CTNNA2: variants seen among roughly 807,000 people sequenced by gnomAD.
CTNNA2 encodes the protein catenin alpha 2.
A neutral mutation model predicts 101.0 loss-of-function variants in CTNNA2; 42 were observed. The observed-to-expected ratio is 0.42, with a 90% CI of 0.32 to 0.54. The LOEUF is 0.54. CTNNA2 is among the 20% of genes least tolerant of loss of function. The probability of loss-of-function intolerance (pLI) is 0.14; values close to 1 mark genes in which losing one functional copy is unlikely to be tolerated. For missense variants in CTNNA2, 871 were observed against 1,223.1 expected, an observed-to-expected ratio of 0.71 and a Z score of 4.29; for synonymous variants, 450 against 456.4, an observed-to-expected ratio of 0.99 and a Z score of 0.18.
rs975392735 is a variant in CTNNA2, at chr2:80,302,763, C to T, written c.1057-90448C>T. The T allele has an allele frequency of 6.2e-7, 1 of 1,613,000 alleles. No homozygotes were observed. The highest frequency in any genetic ancestry group is 8.5e-7 in the Non-Finnish European group (1 of 1,179,828). ...TGGAAGGCGTACACGGCGTCCAGGA[C>T]GTCCTCGCCCTGTGCGTACTCCGGG... On this transcript the variant is annotated intron_variant, in intron 7 of 18. Transcript: ENST00000402739. The surrounding 1 kb of genome is among the most constrained non-coding windows in gnomAD (Gnocchi z 6.4).
intron 2 of CTNNA2, among the ~76,000 whole-genome samples, chr2:79,241,481 T>A (rs1249378271): frequency 6.6e-6 from 1 of 152,046 alleles, no homozygotes; most frequent in African/African-American, 2.4e-5. Flanking sequence ...TGAAAAACAA[T>A]TGATGAGACA....
chr2:79,188,424 T>C (rs1418212799), intron 1 of CTNNA2, among the ~76,000 whole-genome samples: 1 of 152,180 alleles, frequency 6.6e-6, no homozygotes, highest in Non-Finnish European at 1.5e-5. Flanking sequence ...AAGTGTCACC[T>C]GGGGCACTTC....
chr2:79,448,460 T>A (rs2104524829), intron 4 of CTNNA2, among the ~76,000 whole-genome samples: 1 of 152,156 alleles, frequency 6.6e-6, no homozygotes, highest in East Asian at 1.9e-4. Flanking sequence ...GTTCAAAGAA[T>A]TTTTATATTT....
At chr2:80,094,091 T>C (rs376482296) in intron 7 of CTNNA2, among the ~76,000 whole-genome samples, 4 of 152,160 alleles carry the variant, frequency 2.6e-5, no homozygotes, top group East Asian at 3.8e-4. Flanking sequence ...ATGCCTATGT[T>C]CTGAATGGTA....
intron 3 of CTNNA2, among the ~76,000 whole-genome samples, chr2:79,752,993 A>C (rs1031370272): frequency 5.9e-5 from 9 of 152,218 alleles, no homozygotes; most frequent in Non-Finnish European, 1.3e-4. Context: ...AGTAAGAGCA[A>C]AAGCAGATTA....
intron 18 of CTNNA2, among the ~76,000 whole-genome samples, chr2:80,622,690 CAGA>C (rs901939128): frequency 3.3e-5 from 5 of 151,826 alleles, no homozygotes; most frequent in African/African-American, 1.2e-4. Flanking sequence ...TGTAGACTTG[CAGA>C]AGATTTGCGG....
chr2:80,394,018 C>T (rs922206723), intron 8 of CTNNA2, among the ~76,000 whole-genome samples: 1 of 152,178 alleles, frequency 6.6e-6, no homozygotes, highest in Non-Finnish European at 1.5e-5. Context: ...TATAATAAAA[C>T]CCCCTCTTCT....
intron 1 of CTNNA2, among the ~76,000 whole-genome samples, chr2:79,517,576 T>A (rs530610892): frequency 6.6e-6 from 1 of 152,296 alleles, no homozygotes; most frequent in African/African-American, 2.4e-5. Context: ...GTTTTAAAAA[T>A]TCAGCAAATC....
intron 9 of CTNNA2, among the ~76,000 whole-genome samples, chr2:80,542,887 C>CCA (rs571695596): frequency 6.6e-6 from 1 of 150,478 alleles, no homozygotes; most frequent in African/African-American, 2.4e-5. Flanking sequence ...TTCCCCCCCC[C>CCA]ACATGCCACT....
intron 3 of CTNNA2, among the ~76,000 whole-genome samples, chr2:79,321,104 T>C (rs1676612700): frequency 6.6e-6 from 1 of 152,220 alleles, no homozygotes; most frequent in South Asian, 2.1e-4. Flanking sequence ...TATTATATTT[T>C]CCAGAAACCA....
chr2:79,608,158 C>G (rs1334115851), intron 1 of CTNNA2, among the ~76,000 whole-genome samples: 1 of 151,880 alleles, frequency 6.6e-6, no homozygotes, highest in Non-Finnish European at 1.5e-5. Flanking sequence ...ATAAGTTGGA[C>G]AACTTAGGTG....
chr2:79,593,880 G>GTTTTTTTTT (rs945227300), intron 1 of CTNNA2, among the ~76,000 whole-genome samples: 9 of 85,440 alleles, frequency 1.1e-4, no homozygotes, highest in East Asian at 7.6e-4. Context: ...CTTTCTTTTA[G>GTTTTTTTTT]TTTTTTTTTT....
intron 4 of CTNNA2, among the ~76,000 whole-genome samples, chr2:79,397,081 C>G (rs1211242830): frequency 6.6e-6 from 1 of 151,982 alleles, no homozygotes; most frequent in Non-Finnish European, 1.5e-5. Context: ...CCAGGGACTA[C>G]ATATTTTTAT....
intron 2 of CTNNA2, among the ~76,000 whole-genome samples, chr2:79,273,235 C>T (rs1194985483): frequency 6.6e-6 from 1 of 151,956 alleles, no homozygotes; most frequent in African/African-American, 2.4e-5. Flanking sequence ...CTTAGGGCAA[C>T]CTATCAGATA....
intron 1 of CTNNA2, among the ~76,000 whole-genome samples, chr2:79,543,534 A>T (rs926907078): frequency 6.6e-6 from 1 of 152,024 alleles, no homozygotes; most frequent in African/African-American, 2.4e-5. Context: ...TATTATTTTG[A>T]CTGTTTTGAT....
chr2:79,797,058 A>G (rs1253414935), intron 3 of CTNNA2, among the ~76,000 whole-genome samples: 1 of 152,204 alleles, frequency 6.6e-6, no homozygotes, highest in African/African-American at 2.4e-5. Context: ...TATGTCTTTA[A>G]AAGTACCTTT....
intron 3 of CTNNA2, among the ~76,000 whole-genome samples, chr2:79,797,779 T>C (rs1158436400): frequency 6.6e-6 from 1 of 152,164 alleles, no homozygotes; most frequent in Non-Finnish European, 1.5e-5. Context: ...ATTTTAAAAG[T>C]TTCCATTAAA....
At chr2:79,377,437 C>A (rs934241968) in intron 4 of CTNNA2, among the ~76,000 whole-genome samples, 3 of 152,170 alleles carry the variant, frequency 2.0e-5, no homozygotes, top group South Asian at 2.1e-4. Flanking sequence ...TTGTACAAAG[C>A]TGCTTAGCCC....
At chr2:79,501,769 C>A (rs1671321953) in intron 4 of CTNNA2, among the ~76,000 whole-genome samples, 2 of 152,060 alleles carry the variant, frequency 1.3e-5, no homozygotes, top group African/African-American at 4.8e-5. Flanking sequence ...ACTGCCTCAT[C>A]ATGTATCTTA....
Sources: gnomAD v4.1 joint callset for allele counts (sites outside exome capture counted in the v4.1 genomes callset) on GRCh38, gnomAD v4.1.1 for gene constraint, Gnocchi (gnomAD v3.1) non-coding constraint, MANE v1.5 for transcripts, NCBI Gene and HGNC (gene_info 2026-07-23, HGNC 2026-07-21) for gene names.